The following ATP8B1 variants were observed in gnomAD, a reference collection of about 807,000 sequenced individuals.
ATP8B1 encodes phospholipid-transporting ATPase IC.
In ATP8B1, 80 loss-of-function variants were observed where a neutral mutation model predicts 149.9. That is an observed-to-expected ratio of 0.53 (90% CI 0.45 to 0.64). The LOEUF is 0.64. ATP8B1 is among the 30% of genes least tolerant of loss of function. The pLI, the probability that ATP8B1 is intolerant of heterozygous loss-of-function variation, is 0.00. For synonymous variants in ATP8B1, 536 were observed against 562.8 expected (o/e 0.95, Z 0.67); for missense variants, 1,247 against 1,552.6 (o/e 0.80, Z 3.31).
At chr18:57,694,213 G>T (rs999974139) in intron 11 of ATP8B1, among the ~76,000 whole-genome samples, 2 of 152,116 alleles carry the variant, frequency 1.3e-5, no homozygotes, top group African/African-American at 4.8e-5. Flanking sequence ...TTGCTTCTAA[G>T]AGAACTGCCT....
intron 1 of ATP8B1, among the ~76,000 whole-genome samples, chr18:57,732,179 G>GTATATATATGTATATATA (rs1568044060): frequency 4.5e-5 from 2 of 44,864 alleles, no homozygotes; most frequent in African/African-American, 1.6e-4. Context: ...ATGTATATAT[G>GTATATATATGTATATATA]TGTATATATG....
chr18:57,686,255 ACT>A (rs949491202), intron 13 of ATP8B1, among the ~76,000 whole-genome samples: 1 of 152,114 alleles, frequency 6.6e-6, no homozygotes, highest in Non-Finnish European at 1.5e-5. Context: ...AGAGTGAGAC[ACT>A]GTCTCAAAAA....
chr18:57,725,270 A>AAGGATTCCT (rs2079696029), intron 2 of ATP8B1, among the ~76,000 whole-genome samples: 1 of 151,778 alleles, frequency 6.6e-6, no homozygotes. Context: ...AAGAAAAAAA[A>AAGGATTCCT]TAATCCCATT....
At chr18:57,738,390 G>A (rs532394326) in intron 1 of ATP8B1, among the ~76,000 whole-genome samples, 1 of 152,162 alleles carries the variant, frequency 6.6e-6, no homozygotes, top group Non-Finnish European at 1.5e-5. Flanking sequence ...TTGGAAGACC[G>A]AGGCGGGTGG....
chr18:57,767,430 T>C (rs1298292722), intron 1 of ATP8B1, among the ~76,000 whole-genome samples: 1 of 152,092 alleles, frequency 6.6e-6, no homozygotes, highest in African/African-American at 2.4e-5. Flanking sequence ...AGAAGCCAGA[T>C]CAGCAGTTGC....
chr18:57,739,881 C>G (rs1490974062), intron 1 of ATP8B1, among the ~76,000 whole-genome samples: 1 of 152,190 alleles, frequency 6.6e-6, no homozygotes, highest in Non-Finnish European at 1.5e-5. Context: ...ACCAATCTTT[C>G]TTGTCCATCA....
intron 2 of ATP8B1, among the ~76,000 whole-genome samples, chr18:57,725,894 G>T (rs1337054150): frequency 6.6e-6 from 1 of 152,190 alleles, no homozygotes; most frequent in Non-Finnish European, 1.5e-5. Flanking sequence ...ATGGATTACA[G>T]ACTTAAATCT....
intron 12 of ATP8B1, among the ~76,000 whole-genome samples, chr18:57,691,516 G>A (rs890270400): frequency 6.6e-6 from 1 of 152,122 alleles, no homozygotes; most frequent in Non-Finnish European, 1.5e-5. Context: ...TTTGGAACCC[G>A]GTGAGAAGGG....
chr18:57,717,172 C>T (rs1444608007), intron 2 of ATP8B1, among the ~76,000 whole-genome samples: 1 of 152,038 alleles, frequency 6.6e-6, no homozygotes, highest in African/African-American at 2.4e-5. Flanking sequence ...ACAGTGAAAG[C>T]AGTACTAGGA....
chr18:57,789,141 T>C (rs564434399), intron 1 of ATP8B1, among the ~76,000 whole-genome samples: 3 of 152,310 alleles, frequency 2.0e-5, no homozygotes, highest in South Asian at 4.1e-4. Flanking sequence ...TCATTTTTAG[T>C]GTAAGTCAGT....
intron 17 of ATP8B1, 34 bp from the exon 18 acceptor site, chr18:57,669,516 A>C: frequency 6.3e-7 from 1 of 1,576,344 alleles, no homozygotes; most frequent in Non-Finnish European, 8.7e-7. Context: ...CCACCAATGC[A>C]AAGAATAGTT....
intron 1 of ATP8B1, among the ~76,000 whole-genome samples, chr18:57,766,113 G>T (rs1162275512): frequency 6.1e-5 from 9 of 147,744 alleles, no homozygotes; most frequent in African/African-American, 1.8e-4. Context: ...GTGCCATCTT[G>T]GCTCACTGCA....
intron 1 of ATP8B1, among the ~76,000 whole-genome samples, chr18:57,748,549 T>C (rs1045148028): frequency 6.6e-6 from 1 of 152,230 alleles, no homozygotes; most frequent in African/African-American, 2.4e-5. Flanking sequence ...AACTAATATA[T>C]GGCTTGAATG....
intron 1 of ATP8B1, among the ~76,000 whole-genome samples, chr18:57,774,996 C>T (rs1256947897): frequency 6.6e-6 from 1 of 152,088 alleles, no homozygotes; most frequent in African/African-American, 2.4e-5. Context: ...GAGCCTGGCA[C>T]AGAGGAGATG....
chr18:57,775,338 A>G (rs1281324060), intron 1 of ATP8B1, among the ~76,000 whole-genome samples: 4 of 151,692 alleles, frequency 2.6e-5, no homozygotes, highest in Non-Finnish European at 4.4e-5. Flanking sequence ...GAGAAAGAGA[A>G]GGAAGGAGGG....
chr18:57,711,325 A>C (rs983044741), intron 2 of ATP8B1, among the ~76,000 whole-genome samples: 1 of 152,216 alleles, frequency 6.6e-6, no homozygotes, highest in Admixed American at 6.5e-5. Context: ...AAAAAGAATG[A>C]GGTGACCCCA....
At chr18:57,801,200 A>G (rs115318848) in intron 1 of ATP8B1, among the ~76,000 whole-genome samples, 167 of 152,332 alleles carry the variant, frequency 1.1e-3, no homozygotes, top group African/African-American at 4.0e-3. Flanking sequence ...GGACAGTAAT[A>G]ACCAAAAGAG....
At position 57,669,306 on chromosome 18, in the gene ATP8B1, G is replaced by A. The variant is rs764793545; in HGVS notation, c.2097+12C>T. 61 of 1,591,376 alleles carry A rather than the reference G, an allele frequency of 3.8e-5. No individual in the cohort carries two copies. Among genetic ancestry groups the A allele is most frequent in the Non-Finnish European group, 5.1e-5 (60 of 1,171,500 alleles). On this transcript the variant is annotated intron_variant, in intron 18 of 27. Coordinates refer to ENST00000648908, the MANE Select transcript of ATP8B1 (RefSeq NM_001374385.1). ...GAATATCAAAGAAAAAGTTATTAAG[G>A]CTAAAACTCACAATTAAGTCTTTTT...
At position 57,802,385 on chromosome 18, in the gene ATP8B1, T is replaced by A. The variant is rs1379863413; in HGVS notation, c.-26+613A>T. 6.6e-6 allele frequency among the ~76,000 whole-genome samples: 1 copy of A among 152,002 alleles called. No individual in the cohort carries two copies. Among genetic ancestry groups the A allele is most frequent in the Non-Finnish European group, 1.5e-5 (1 of 67,990 alleles). On this transcript the variant is annotated intron_variant, in intron 1 of 27. Transcript: ENST00000648908. The surrounding 1 kb of genome is among the most constrained non-coding windows in gnomAD (Gnocchi z 4.9). Reference sequence around the variant, plus strand: ...AAAACAGTGGTGTCGGTCTTCCCCATCACCTCCCCTCCCCATCCCACAATA... The same window carrying A: ...AAAACAGTGGTGTCGGTCTTCCCCAACACCTCCCCTCCCCATCCCACAATA...
Sources: allele counts gnomAD v4.1 joint callset (sites outside exome capture counted in the v4.1 genomes callset), GRCh38; gene constraint gnomAD v4.1.1; non-coding constraint Gnocchi (gnomAD v3.1); transcripts MANE v1.5; gene names NCBI Gene and HGNC (gene_info 2026-07-23, HGNC 2026-07-21).